Variants in ACACB observed in about 807,000 individuals in gnomAD.
ACACB encodes the protein acetyl-CoA carboxylase beta.
In ACACB, 209 loss-of-function variants were observed where a neutral mutation model predicts 278.8. That is an observed-to-expected ratio of 0.75 (90% CI 0.67 to 0.84). The LOEUF (loss-of-function observed/expected upper bound fraction) is 0.84. ACACB is among the 40% of genes least tolerant of loss of function. The pLI, the probability that ACACB is intolerant of heterozygous loss-of-function variation, is 0.00. For missense variants in ACACB, 2,850 were observed against 3,269.0 expected (o/e 0.87, Z 3.13); for synonymous variants, 1,174 against 1,285.6 (o/e 0.91, Z 1.86).
Position 109,187,412 on chromosome 12 carries a change from C to G in ACACB, c.1981-587C>G, listed in dbSNP as rs1196844681. On this transcript the variant is annotated intron_variant, in intron 12 of 52. Transcript: ENST00000338432. ...GCCCATTTAACACCTGCACTACCAT[C>G]TCTGTCCCAACTCGCTTATTTTATT... Among the ~76,000 whole-genome samples, 5 of 152,114 alleles carry G rather than the reference C, an allele frequency of 3.3e-5. No homozygotes were observed. In the East Asian group the frequency reaches 9.7e-4, roughly 29 times the overall value.
Position 109,191,620 on chromosome 12 carries a change from G to A in ACACB, c.2152G>A (p.Val718Met). 1 of 1,614,154 alleles carries A rather than the reference G, an allele frequency of 6.2e-7. No individual in the cohort carries two copies. The change falls in exon 14 of 53, where the codon GTG becomes ATG. Residue 718 changes from valine to methionine, a missense_variant. Physicochemically the swap from Val to Met is conservative, Grantham distance 21 (BLOSUM62 1). This residue lies in a region of ACACB where 2,265 missense variants were observed against 2,561.3 expected (regional missense o/e 0.88). Transcript: ENST00000338432. ...TGTGCCTTTCCCTTCAAGGAACATGGTGGTGGCTTTGAAGGAACTGTCCAT... is the reference window on the plus strand; with the variant it reads ...TGTGCCTTTCCCTTCAAGGAACATGATGGTGGCTTTGAAGGAACTGTCCAT... ...ENREEAISNM[V>M]VALKELSIRG...
At chr12:109,247,870 A>G (rs1334491639) in intron 40 of ACACB, among the ~76,000 whole-genome samples, 167 bp downstream of exon 40, 3 of 152,240 alleles carry the variant, frequency 2.0e-5, no homozygotes, top group African/African-American at 7.2e-5. Context: ...TAAACTCTCC[A>G]AGGTGAGTCC....
chr12:109,212,231 G>A (rs1050870108), intron 21 of ACACB, among the ~76,000 whole-genome samples: 3 of 152,148 alleles, frequency 2.0e-5, no homozygotes, highest in African/African-American at 7.2e-5. Flanking sequence ...GGGAGGCTGT[G>A]GTGGGTCCTT....
chr12:109,225,723 A>G (rs983254899), intron 27 of ACACB, among the ~76,000 whole-genome samples: 1 of 152,230 alleles, frequency 6.6e-6, no homozygotes, highest in African/African-American at 2.4e-5. Flanking sequence ...ATTGTCCACT[A>G]TGGCAGCCAC....
chr12:109,123,872 A>G (rs1375836748), intron 1 of ACACB, among the ~76,000 whole-genome samples: 2 of 150,400 alleles, frequency 1.3e-5, no homozygotes, highest in Non-Finnish European at 1.5e-5. Context: ...TTTATTTTTT[A>G]GGTAACAGAG....
chr12:109,184,549 G>A (rs1323778089), intron 11 of ACACB, among the ~76,000 whole-genome samples: 1 of 152,130 alleles, frequency 6.6e-6, no homozygotes, highest in Non-Finnish European at 1.5e-5. Flanking sequence ...TTTCCCTGTT[G>A]TTCCAATAAT....
rs73191126 is a variant in ACACB at position 109,193,746 on chromosome 12, C to T, written c.2481+17C>T. 0.016 allele frequency: 24,700 copies of T among 1,592,254 alleles called. 234 individuals carry two copies. Among genetic ancestry groups the T allele is most frequent in the Non-Finnish European group, 0.018 (21,189 of 1,160,230 alleles). ...ATTCTCAAGGTAAATGCCCCCGTGCCTCTCCGATGTCTCCAACACTCTGCA... is the reference window on the plus strand; with the variant it reads ...ATTCTCAAGGTAAATGCCCCCGTGCTTCTCCGATGTCTCCAACACTCTGCA... On this transcript the variant is annotated intron_variant, in intron 16 of 52. Transcript: ENST00000338432.
At chr12:109,143,790 A>G (rs2043176168) in intron 2 of ACACB, among the ~76,000 whole-genome samples, 2 of 152,134 alleles carry the variant, frequency 1.3e-5, no homozygotes, top group Admixed American at 1.3e-4. Flanking sequence ...CAAGCCTTAG[A>G]CATGTGTGCT....
chr12:109,172,034 C>T, intron 5 of ACACB, 120 bp downstream of exon 5: 1 of 879,648 alleles, frequency 1.1e-6, no homozygotes, highest in Non-Finnish European at 1.8e-6. Context: ...CTCCAAATTC[C>T]TGGGCTGATG....
chr12:109,209,101 G>A, intron 20 of ACACB, 64 bp from the exon 21 acceptor site: 1 of 1,506,544 alleles, frequency 6.6e-7, no homozygotes, highest in South Asian at 1.3e-5. Context: ...TGGGTGCCCT[G>A]TTTGGGGCGG....
chr12:109,139,134 G>A (rs573928511), intron 1 of ACACB, among the ~76,000 whole-genome samples: 1 of 152,326 alleles, frequency 6.6e-6, no homozygotes, highest in East Asian at 1.9e-4. Flanking sequence ...CGTATAATAT[G>A]TGACCTTTTG....
At chr12:109,172,641 C>T (rs1209887193) in intron 6 of ACACB, among the ~76,000 whole-genome samples, 1 of 152,184 alleles carries the variant, frequency 6.6e-6, no homozygotes, top group Non-Finnish European at 1.5e-5. Context: ...AAAGGCAAGT[C>T]AAAACCAGAG....
At chr12:109,235,253 A>C (rs956142493) in intron 31 of ACACB, 60 bp from the exon 32 acceptor site, 3 of 1,420,400 alleles carry the variant, frequency 2.1e-6, no homozygotes, top group Non-Finnish European at 3.0e-6. Context: ...ACATGCAGCA[A>C]TACTTCAGTT....
intron 47 of ACACB, chr12:109,260,235 A>G (rs2047343525): frequency 7.3e-7 from 1 of 1,362,894 alleles, no homozygotes. Context: ...GTTGGAAAGA[A>G]TCCTAGAGAT....
At position 109,267,926 on chromosome 12, in the gene ACACB, A is replaced by C. The variant is rs1222880499; in HGVS notation, c.*1564A>C. 6.6e-6 allele frequency: 1 copy of C among 150,386 alleles called. No individual in the cohort carries two copies. The highest frequency in any genetic ancestry group is 2.4e-5 in the African/African-American group (1 of 41,112). The allele number at this position is 150,386 out of a possible 1,614,324, so 9.3% of individuals were successfully genotyped here. On this transcript the variant is annotated 3_prime_UTR_variant, in exon 53 of 53. Transcript: ENST00000338432. ...CCCAGGGAAGCCTCCAAAAGCTGGG[A>C]TGCTTGAGGGTATCCAAGTTGAAAA...
intron 12 of ACACB, among the ~76,000 whole-genome samples, chr12:109,186,941 C>T (rs1430368779): frequency 6.6e-6 from 1 of 152,138 alleles, no homozygotes; most frequent in Non-Finnish European, 1.5e-5. Context: ...GCCCTAATCC[C>T]AGTGAGAGGT....
At chr12:109,257,571 T>C (rs2047261418) in intron 45 of ACACB, among the ~76,000 whole-genome samples, 2 of 151,744 alleles carry the variant, frequency 1.3e-5, no homozygotes, top group African/African-American at 2.4e-5. Context: ...TTAGTTTCAT[T>C]ATTATTATTA....
intron 11 of ACACB, among the ~76,000 whole-genome samples, chr12:109,181,998 G>A (rs1015127412): frequency 6.6e-5 from 10 of 151,362 alleles, no homozygotes; most frequent in African/African-American, 2.2e-4. Flanking sequence ...CGTGTGCCAC[G>A]ACGCCCAGCT....
At chr12:109,160,887 G>GT (rs909592534) in intron 2 of ACACB, among the ~76,000 whole-genome samples, 1 of 152,140 alleles carries the variant, frequency 6.6e-6, no homozygotes, top group Non-Finnish European at 1.5e-5. Flanking sequence ...GCCAAGAATG[G>GT]TTTTTTTGCC....
Sources: allele counts gnomAD v4.1 joint callset (sites outside exome capture counted in the v4.1 genomes callset), GRCh38; gene constraint gnomAD v4.1.1; regional missense constraint gnomAD v4.1.1; transcripts MANE v1.5; gene names NCBI Gene and HGNC (gene_info 2026-07-23, HGNC 2026-07-21).